Variants in COG1 observed in about 807,000 individuals in gnomAD.
COG1 encodes component of oligomeric golgi complex 1.
Under a neutral mutation model 102.2 loss-of-function variants are expected in COG1, and 61 were observed. The observed-to-expected ratio is 0.60, with a 90% CI of 0.49 to 0.74. The LOEUF is 0.74. COG1 is among the 30% of genes least tolerant of loss of function. The pLI is 0.00. For synonymous variants in COG1, 454 were observed against 493.6 expected (o/e 0.92, Z 1.06); for missense variants, 1,164 against 1,232.1 (o/e 0.94, Z 0.83).
rs1392202745 is a variant in COG1, at chr17:73,201,378, C to G, written c.1551C>G (p.Phe517Leu). Reference sequence around the variant, plus strand: ...CCATCAGCCCTTGTGTACAGAACTTCTGTTCTGCCCTGGATTCTAAGCTGA... The same window carrying G: ...CCATCAGCCCTTGTGTACAGAACTTGTGTTCTGCCCTGGATTCTAAGCTGA... ...AQAISPCVQN[F>L]CSALDSKLKV... Residue 517 changes from phenylalanine to leucine, a missense_variant, in exon 7 of 14, where the codon TTC becomes TTG. By Grantham distance (22) the Phe-to-Leu change is conservative. Coordinates refer to ENST00000299886, the MANE Select transcript of COG1 (RefSeq NM_018714.3). 6.2e-7 allele frequency: 1 copy of G among 1,614,240 alleles called. No individual in the cohort carries two copies. The highest frequency in any genetic ancestry group is 1.3e-5 in the African/African-American group (1 of 75,068).
chr17:73,199,546 T>G (rs908799992), intron 4 of COG1, among the ~76,000 whole-genome samples: 2 of 152,152 alleles, frequency 1.3e-5, no homozygotes, highest in African/African-American at 4.8e-5. Context: ...ACTTGATAAG[T>G]TTTGGAAATT....
Position 73,201,355 on chromosome 17 carries a change from A to G in COG1, c.1528A>G (p.Ile510Val). The stretch of plus-strand genomic sequence containing the variant: ...CGGCCTCTCCATGAAAGCACAAGCC[A>G]TCAGCCCTTGTGTACAGAACTTCTG... ...SSGLSMKAQA[I>V]SPCVQNFCSA... Residue 510 changes from isoleucine to valine, a missense_variant, in exon 7 of 14, where the codon ATC becomes GTC. Coordinates refer to ENST00000299886, the MANE Select transcript of COG1 (RefSeq NM_018714.3). 2 of 1,614,212 alleles carry G rather than the reference A, an allele frequency of 1.2e-6. No homozygotes were observed. The highest frequency in any genetic ancestry group is 1.1e-5 in the South Asian group (1 of 91,090).
At position 73,200,220 on chromosome 17, in the gene COG1, A is replaced by G. The variant is rs2278793; in HGVS notation, c.1070+199A>G. 0.25 allele frequency among the ~76,000 whole-genome samples: 37,398 copies of G among 152,222 alleles called. 5,426 individuals are homozygous for G. The highest frequency in any genetic ancestry group is 0.31 in the Admixed American group (4,666 of 15,296). On this transcript the variant is annotated intron_variant, in intron 5 of 13. Coordinates refer to ENST00000299886, the MANE Select transcript of COG1 (RefSeq NM_018714.3). ...CCCGCTGTGGGAGAACCAAGAAGGA[A>G]TTTGTCTTTCAAAAGGTTATGTGGG...
At chr17:73,207,895 T>G in intron 13 of COG1, 2 of 1,186,394 alleles carry the variant, frequency 1.7e-6, no homozygotes, top group South Asian at 1.7e-5. Context: ...CTAAAATCCT[T>G]GTCAAGTATC....
rs1337141711 is a variant in COG1 at position 73,200,855 on chromosome 17, C to T, written c.1281+79C>T. On this transcript the variant is annotated intron_variant, in intron 6 of 13. Coordinates refer to ENST00000299886, the MANE Select transcript of COG1 (RefSeq NM_018714.3). ...TTTGACTGTCTTGGGAGATTTCTGT[C>T]GCTTCCCAAGTATATTCTTTTCCTG... 5.9e-6 allele frequency: 8 copies of T among 1,349,352 alleles called. No individual in the cohort carries two copies. The East Asian group carries it at 6.9e-5, about 12-fold the overall frequency. The allele number at this position is 1,349,352 out of a possible 1,614,324, so 83.6% of individuals were successfully genotyped here.
At chr17:73,207,426 C>A in intron 13 of COG1, 170 bp downstream of exon 13, 1 of 752,182 alleles carries the variant, frequency 1.3e-6, no homozygotes, top group Non-Finnish European at 2.3e-6. Context: ...CTAGCTTGAG[C>A]TACTAGAAGG....
intron 5 of COG1, 108 bp downstream of exon 5, chr17:73,200,129 T>A (rs1396199090): frequency 3.0e-6 from 4 of 1,338,736 alleles, no homozygotes; most frequent in Non-Finnish European, 3.1e-6. Context: ...CTGTCCTGGA[T>A]GGCGTGCTGC....
chr17:73,199,548 T>C (rs1277114740), intron 4 of COG1, among the ~76,000 whole-genome samples: 2 of 152,136 alleles, frequency 1.3e-5, no homozygotes, highest in Non-Finnish European at 2.9e-5. Flanking sequence ...TTGATAAGTT[T>C]TGGAAATTTC....
At chr17:73,203,314 G>A (rs2061354581) in intron 8 of COG1, 168 bp downstream of exon 8, 1 of 872,792 alleles carries the variant, frequency 1.1e-6, no homozygotes, top group Non-Finnish European at 1.8e-6. Context: ...ATGGCAGACT[G>A]TTCAAGAAGT....
intron 11 of COG1, 70 bp from the exon 12 acceptor site, chr17:73,206,638 C>CTTTT: frequency 1.2e-6 from 1 of 820,272 alleles, no homozygotes; most frequent in African/African-American, 1.9e-5. Context: ...GGTGACTAAC[C>CTTTT]TTTTTTTTTT....
In COG1 at chr17:73,206,876, C is replaced by G. The variant is rs770512972; in HGVS notation, c.2729+59C>G. On this transcript the variant is annotated intron_variant, in intron 12 of 13. Coordinates refer to ENST00000299886, the MANE Select transcript of COG1 (RefSeq NM_018714.3). ...TCGGGAGGCCAAGGTGGACGGATCACGTCAGGAGATCGAGACCATCCTGGC... is the reference window on the plus strand; with the variant it reads ...TCGGGAGGCCAAGGTGGACGGATCAGGTCAGGAGATCGAGACCATCCTGGC... The G allele has an allele frequency of 6.7e-6, 8 of 1,193,776 alleles. No individual in the cohort carries two copies. The Admixed American group carries it at 8.6e-5, about 13-fold the overall frequency. 73.9% of individuals were successfully genotyped at this position (1,193,776 alleles called of 1,614,324 possible).
chr17:73,194,086 A>G (rs930016240), intron 1 of COG1, among the ~76,000 whole-genome samples: 3 of 152,034 alleles, frequency 2.0e-5, no homozygotes, highest in Non-Finnish European at 4.4e-5. Flanking sequence ...ATTAGACACA[A>G]TGAGGAAGGA....
In COG1 at chr17:73,194,658, T is replaced by G. The variant is rs1438332703; in HGVS notation, c.315+1274T>G. On this transcript the variant is annotated intron_variant, in intron 1 of 13. Transcript: ENST00000299886. ...TTTGTACTTTCAGTAGAGACGGGGT[T>G]TCACCATATTGGCCCGGCTGGTCTC... Among the ~76,000 whole-genome samples, 4 of 151,892 alleles carry G rather than the reference T, an allele frequency of 2.6e-5. No homozygotes were observed. The East Asian group carries it at 7.9e-4, about 30-fold the overall frequency.
Position 73,201,768 on chromosome 17 carries a change from G to C in COG1, c.1941G>C (p.Arg647Ser). Reference sequence around the variant, plus strand: ...CAGAGAAACCAGCAAGGGAGTTTAGGGCTCTGAGAAAACAGGGAAAGGTGA... The same window carrying C: ...CAGAGAAACCAGCAAGGGAGTTTAGCGCTCTGAGAAAACAGGGAAAGGTGA... ...ESSEKPAREF[R>S]ALRKQGKVKT... The change falls in exon 7 of 14, where the codon AGG (arginine) becomes AGC (serine). Residue 647 changes from arginine to serine, a missense_variant. Arg to Ser is a moderately radical substitution (Grantham distance 110). Coordinates refer to ENST00000299886, the MANE Select transcript of COG1 (RefSeq NM_018714.3). The C allele has an allele frequency of 6.2e-7, 1 of 1,614,150 alleles. No individual in the cohort carries two copies. The highest frequency in any genetic ancestry group is 8.5e-7 in the Non-Finnish European group (1 of 1,180,018).
At position 73,200,782 on chromosome 17, in the gene COG1, C is replaced by T; in HGVS notation, c.1281+6C>T. 6.2e-7 allele frequency: 1 copy of T among 1,613,120 alleles called. No homozygotes were observed. The highest frequency in any genetic ancestry group is 8.5e-7 in the Non-Finnish European group (1 of 1,179,156). On this transcript the variant is annotated splice_donor_region_variant and intron_variant, in intron 6 of 13. Coordinates refer to ENST00000299886, the MANE Select transcript of COG1 (RefSeq NM_018714.3). ...TGTTCCTTGACCGATTACAGGTGAG[C>T]TGGACAGTCACATGGTCTACCTGTT... is the stretch of plus-strand genomic sequence containing the variant.
intron 13 of COG1, chr17:73,207,645 GA>G: frequency 7.9e-7 from 1 of 1,271,936 alleles, no homozygotes; most frequent in South Asian, 1.2e-5. Context: ...GGAAGTAACA[GA>G]AAATTTGTTT....
At chr17:73,199,729 G>A in intron 4 of COG1, 136 bp from the exon 5 acceptor site, 1 of 973,164 alleles carries the variant, frequency 1.0e-6, no homozygotes. Context: ...TGTGCACCAT[G>A]ACGCCTGGCA....
At chr17:73,194,969 C>A (rs1475805542) in intron 1 of COG1, among the ~76,000 whole-genome samples, 1 of 152,198 alleles carries the variant, frequency 6.6e-6, no homozygotes, top group Non-Finnish European at 1.5e-5. Context: ...TGGACTGACA[C>A]AATAAAACTA....
At position 73,205,989 on chromosome 17, in the gene COG1, T is replaced by C. The variant is rs1599331486; in HGVS notation, c.2511-165T>C. ...GGAAAGGGTGGACTTCACTTAGACA[T>C]CATGCTTGAGGGTGACTTAAGCACT... is the stretch of plus-strand genomic sequence containing the variant. On this transcript the variant is annotated intron_variant, in intron 10 of 13. Coordinates refer to ENST00000299886, the MANE Select transcript of COG1 (RefSeq NM_018714.3). 8 of 712,032 alleles carry C rather than the reference T, an allele frequency of 1.1e-5. No homozygotes were observed. In the East Asian group the frequency reaches 2.1e-4, roughly 19 times the overall value. 44.1% of individuals were successfully genotyped at this position (712,032 alleles called of 1,614,324 possible).
Sources: gnomAD v4.1 joint callset for allele counts (sites outside exome capture counted in the v4.1 genomes callset) on GRCh38, gnomAD v4.1.1 for gene constraint, MANE v1.5 for transcripts, NCBI Gene and HGNC (gene_info 2026-07-23, HGNC 2026-07-21) for gene names.